Variants in SPACA6 observed in about 807,000 individuals in gnomAD.
SPACA6 encodes sperm acrosome associated 6.
For synonymous variants in SPACA6, 6 were observed against 1.5 expected (o/e 4.05, Z -2.21); for missense variants, 8 against 2.8 (o/e 2.88, Z -1.34).
chr19:51,711,813 T>C (rs150619894), intron 2 of SPACA6, among the ~76,000 whole-genome samples: 132 of 152,244 alleles, frequency 8.7e-4, no homozygotes, highest in African/African-American at 2.9e-3. Flanking sequence ...TGCATTGATA[T>C]GAAATAGCCA....
At chr19:51,696,900 C>G (rs1027524457) in intron 2 of SPACA6, among the ~76,000 whole-genome samples, 1 of 152,128 alleles carries the variant, frequency 6.6e-6, no homozygotes, top group Admixed American at 6.5e-5. Flanking sequence ...CAGTGCAAGA[C>G]CCTGGGGCCC....
chr19:51,689,104 G>GC (rs981409572), upstream of SPACA6: 1 of 124 alleles, frequency 8.1e-3, no homozygotes, highest in Admixed American at 0.17. Context: ...GGGCGGGCGA[G>GC]CGGGAGCGCC....
At chr19:51,704,857 T>G in intron 8 of SPACA6, 10 of 176,372 alleles carry the variant, frequency 5.7e-5, no homozygotes, top group Non-Finnish European at 6.3e-5. Context: ...GACCCCCTCC[T>G]CCCTCAGACC....
Position 51,702,478 on chromosome 19 carries a change from A to G in SPACA6, c.362-151A>G, listed in dbSNP as rs368360674. The G allele has an allele frequency of 2.1e-4, 82 of 392,422 alleles. 1 individual carries two copies. In the East Asian group the frequency reaches 2.1e-3, roughly 10 times the overall value. 24.3% of individuals were successfully genotyped at this position (392,422 alleles called of 1,614,324 possible). On this transcript the variant is annotated intron_variant, in intron 3 of 8. Coordinates refer to ENST00000637797, the MANE Select transcript of SPACA6 (RefSeq NM_001316972.2). ...TTGGCCCCGGCCCCAGGTGGAACCC[A>G]GCCGGCTTGACCCCGCCCCCAGGTT...
At chr19:51,691,099 G>GCA, upstream of SPACA6, among the ~76,000 whole-genome samples, 1 of 148,304 alleles carries the variant, frequency 6.7e-6, no homozygotes, top group Admixed American at 6.7e-5. Context: ...CCCCTCCTCA[G>GCA]GTCGCTACCC....
chr19:51,710,752 C>T (rs146067336), intron 2 of SPACA6, among the ~76,000 whole-genome samples: 4 of 152,260 alleles, frequency 2.6e-5, no homozygotes, highest in African/African-American at 9.6e-5. Context: ...GGAAAGAAAA[C>T]AAGGTGGAGG....
downstream of SPACA6, among the ~76,000 whole-genome samples, chr19:51,709,229 A>G (rs1348182155): frequency 6.6e-6 from 1 of 151,628 alleles, no homozygotes; most frequent in Non-Finnish European, 1.5e-5. Context: ...GAAAAAAAAA[A>G]AAAAAGAGCA....
upstream of SPACA6, among the ~76,000 whole-genome samples, chr19:51,690,735 C>T (rs1233827548): frequency 6.6e-6 from 1 of 152,188 alleles, no homozygotes; most frequent in Admixed American, 6.5e-5. Context: ...ACCCTTCTCT[C>T]TCCGCCTCAG....
intron 2 of SPACA6, among the ~76,000 whole-genome samples, chr19:51,695,070 ACT>A (rs2122201031): frequency 6.6e-6 from 1 of 152,006 alleles, no homozygotes; most frequent in South Asian, 2.1e-4. Flanking sequence ...ATACACTCAC[ACT>A]CACACACACA....
chr19:51,709,605 ACT>A (rs2083532550), downstream of SPACA6, among the ~76,000 whole-genome samples: 1 of 136,626 alleles, frequency 7.3e-6, no homozygotes, highest in Non-Finnish European at 1.6e-5. Context: ...ACAGAGCAAG[ACT>A]CTGTCACAAA....
intron 1 of SPACA6, chr19:51,694,168 CAG>C (rs2083404700): frequency 3.3e-6 from 1 of 302,984 alleles, no homozygotes; most frequent in Admixed American, 5.1e-5. Context: ...AATAGAGACC[CAG>C]AGAGGGGAGG....
intron 2 of SPACA6, among the ~76,000 whole-genome samples, chr19:51,711,114 G>A (rs2083539384): frequency 2.0e-5 from 3 of 152,124 alleles, no homozygotes; most frequent in South Asian, 2.1e-4. Context: ...TAAAGAAAGC[G>A]TTTCAAGGAA....
chr19:51,693,518 A>C lies in SPACA6; in HGVS notation c.-9A>C. The C allele has an allele frequency of 2.1e-6, 1 of 487,410 alleles. No individual in the cohort carries two copies. Among genetic ancestry groups the C allele is most frequent in the South Asian group, 3.6e-5 (1 of 27,664 alleles). 30.2% of individuals were successfully genotyped at this position (487,410 alleles called of 1,614,324 possible). A position where few individuals can be genotyped will look rare whatever the true frequency, so the allele number is the denominator to read the frequency against. On this transcript the variant is annotated 5_prime_UTR_variant, in exon 1 of 9. Coordinates refer to ENST00000637797, the MANE Select transcript of SPACA6 (RefSeq NM_001316972.2). ...TACTAGCTTCTCCCCTGGCCTTGAG[A>C]CCCACACGATGGCCCTGCTGGCTCT...
intron 2 of SPACA6, among the ~76,000 whole-genome samples, chr19:51,695,975 A>G (rs1334887273): frequency 6.6e-6 from 1 of 152,212 alleles, no homozygotes; most frequent in African/African-American, 2.4e-5. Context: ...CCTGAGAGAA[A>G]GAGCCGGGGG....
downstream of SPACA6, among the ~76,000 whole-genome samples, chr19:51,710,153 C>T (rs2083535496): frequency 6.6e-6 from 1 of 152,226 alleles, no homozygotes; most frequent in South Asian, 2.1e-4. Flanking sequence ...ATAGTTCCTG[C>T]TCTATGACAA....
downstream of SPACA6, among the ~76,000 whole-genome samples, chr19:51,706,431 A>G (rs1313679898): frequency 1.3e-5 from 2 of 152,072 alleles, no homozygotes; most frequent in East Asian, 1.9e-4. Context: ...GCCCCTTGCT[A>G]CTTTCCAGCC....
downstream of SPACA6, among the ~76,000 whole-genome samples, chr19:51,712,764 G>A (rs1326925019): frequency 9.9e-5 from 15 of 152,150 alleles, no homozygotes; most frequent in Admixed American, 9.8e-4. Flanking sequence ...GAGATAGGAA[G>A]CCAGCTAAGA....
chr19:51,687,851 TCCTA>T (rs1171102554), upstream of SPACA6: 1 of 152,432 alleles, frequency 6.6e-6, no homozygotes, highest in African/African-American at 2.4e-5. Context: ...GTTGTAGTTT[TCCTA>T]CCTGTTTCCC....
At chr19:51,707,943 A>C (rs1282537242), downstream of SPACA6, among the ~76,000 whole-genome samples, 2 of 152,240 alleles carry the variant, frequency 1.3e-5, no homozygotes, top group Non-Finnish European at 2.9e-5. Context: ...GCTGGGATGC[A>C]GCGGCCTGTC....
Sources: gnomAD v4.1 joint callset for allele counts (sites outside exome capture counted in the v4.1 genomes callset) on GRCh38, gnomAD v4.1.1 for gene constraint, MANE v1.5 for transcripts, NCBI Gene and HGNC (gene_info 2026-07-23, HGNC 2026-07-21) for gene names.